The following PATJ variants were observed in gnomAD, a reference collection of about 807,000 sequenced individuals.
PATJ encodes PATJ crumbs cell polarity complex component.
A neutral mutation model predicts 224.9 loss-of-function variants in PATJ; 190 were observed. That is an observed-to-expected ratio of 0.84 (90% CI 0.75 to 0.95). The LOEUF (loss-of-function observed/expected upper bound fraction) is 0.95. Among genes scored for constraint, PATJ ranks in the 40% least tolerant of loss-of-function variants. The probability of loss-of-function intolerance (pLI) is 0.00; values close to 1 mark genes in which losing one functional copy is unlikely to be tolerated. For synonymous variants in PATJ, 769 were observed against 820.3 expected (o/e 0.94, Z 1.07); for missense variants, 2,121 against 2,270.3 (o/e 0.93, Z 1.34).
intron 29 of PATJ, among the ~76,000 whole-genome samples, chr1:62,021,985 T>C (rs1221945907): frequency 6.6e-6 from 1 of 152,230 alleles, no homozygotes; most frequent in Non-Finnish European, 1.5e-5. Flanking sequence ...TAGTTGAAAT[T>C]ATTCTCTGTG....
chr1:62,113,481 A>T (rs1356545829), intron 34 of PATJ, among the ~76,000 whole-genome samples: 1 of 152,160 alleles, frequency 6.6e-6, no homozygotes, highest in African/African-American at 2.4e-5. Flanking sequence ...TCCAGAATTT[A>T]AAAAATTAGC....
chr1:62,148,518 G>A, intron 42 of PATJ, 128 bp downstream of exon 42: 1 of 677,718 alleles, frequency 1.5e-6, no homozygotes, highest in Non-Finnish European at 2.7e-6. Flanking sequence ...AAATTCTAGG[G>A]AATCCTTATT....
intron 33 of PATJ, among the ~76,000 whole-genome samples, chr1:62,098,174 A>G (rs573143670): frequency 5.3e-5 from 8 of 152,040 alleles, no homozygotes; most frequent in Non-Finnish European, 1.0e-4. Flanking sequence ...CCTGGCTAAC[A>G]TGGTGAAACC....
At chr1:61,961,432 T>C (rs1474733882) in intron 27 of PATJ, among the ~76,000 whole-genome samples, 1 of 152,172 alleles carries the variant, frequency 6.6e-6, no homozygotes, top group Non-Finnish European at 1.5e-5. Context: ...TATAACTACA[T>C]GTGTACTCTC....
In PATJ at chr1:61,927,794, G is replaced by A; in HGVS notation, c.3635G>A (p.Ser1212Asn). Residue 1212 changes from serine (S) to asparagine (N), a missense_variant, in exon 27 of 44, where the codon AGT (serine) becomes AAT (asparagine). Coordinates refer to ENST00000642238, the MANE Select transcript of PATJ (RefSeq NM_001350145.3). ...PPPYKALTDDSDENEEEDAFT... is the reference protein window; with the variant it reads ...PPPYKALTDDNDENEEEDAFT... Reference sequence around the variant, plus strand: ...CCTTATAAAGCTCTGACTGATGACAGTGATGAAAATGAAGAAGAAGATGCC... The same window carrying A: ...CCTTATAAAGCTCTGACTGATGACAATGATGAAAATGAAGAAGAAGATGCC... 1 of 1,613,556 alleles carries A rather than the reference G, an allele frequency of 6.2e-7. No individual in the cohort carries two copies. The highest frequency in any genetic ancestry group is 1.1e-5 in the South Asian group (1 of 90,978).
chr1:61,994,390 C>G (rs2149568327), intron 28 of PATJ, among the ~76,000 whole-genome samples: 1 of 152,256 alleles, frequency 6.6e-6, no homozygotes, highest in African/African-American at 2.4e-5. Flanking sequence ...TGATTTTATT[C>G]ATAATTTTTT....
rs370488022 is a variant in PATJ, at chr1:61,814,547, T to TGTGTGTGTGTGTGCGC, written c.1683+6018_1683+6019insTGTGTGTGTGTGCGCG. Among the ~76,000 whole-genome samples the TGTGTGTGTGTGTGCGC allele has an allele frequency of 2.0e-3, 289 of 142,542 alleles. 4 individuals are homozygous for TGTGTGTGTGTGTGCGC. Among genetic ancestry groups the TGTGTGTGTGTGTGCGC allele is most frequent in the African/African-American group, 7.6e-3 (283 of 37,170 alleles). The allele number at this position is 142,542 out of a possible 152,430, so 93.5% of individuals were successfully genotyped here. On this transcript the variant is annotated intron_variant, in intron 14 of 43. Transcript: ENST00000642238. ...GTGTGTGTGTGTGTGTGTGTGTGTG[T>TGTGTGTGTGTGTGCGC]GCGCGCGCGCGCGCATGTATGTGGG...
At chr1:61,993,859 C>G (rs1645204934) in intron 28 of PATJ, among the ~76,000 whole-genome samples, 1 of 152,154 alleles carries the variant, frequency 6.6e-6, no homozygotes, top group African/African-American at 2.4e-5. Flanking sequence ...AAGCTAGAGT[C>G]TAGAAGAACT....
Position 62,102,127 on chromosome 1 carries a change from T to G in PATJ, c.4378-6310T>G, listed in dbSNP as rs555098067. ...CCAGGAGGTCAAACCTGCAGTAAGC[T>G]AAGATTGCACCACTGCACTCCAGCC... is the stretch of plus-strand genomic sequence containing the variant. On this transcript the variant is annotated intron_variant, in intron 33 of 43. Transcript: ENST00000642238. Among the ~76,000 whole-genome samples the G allele has an allele frequency of 5.9e-5, 9 of 151,858 alleles. No individual in the cohort carries two copies. The East Asian group carries it at 7.8e-4, about 13-fold the overall frequency.
At chr1:61,757,639 G>T (rs1645725700) in intron 1 of PATJ, among the ~76,000 whole-genome samples, 1 of 152,080 alleles carries the variant, frequency 6.6e-6, no homozygotes, top group African/African-American at 2.4e-5. Context: ...ACCTGCCTTG[G>T]TCTCCTAAAG....
chr1:62,080,497 A>G lies in PATJ; in HGVS notation c.4243+930A>G, dbSNP rs1570493134. ...CAGGTGCTCACCACCATGCCCGGCT[A>G]ATTTTTACATTTTTAGTAGAGATGG... On this transcript the variant is annotated intron_variant, in intron 32 of 43. Coordinates refer to ENST00000642238, the MANE Select transcript of PATJ (RefSeq NM_001350145.3). Among the ~76,000 whole-genome samples the G allele has an allele frequency of 2.0e-5, 3 of 151,572 alleles. No homozygotes were observed. In the East Asian group the frequency reaches 5.8e-4, roughly 30 times the overall value.
At chr1:61,907,559 C>T in intron 24 of PATJ, among the ~76,000 whole-genome samples, 1 of 152,200 alleles carries the variant, frequency 6.6e-6, no homozygotes, top group East Asian at 1.9e-4. Context: ...ATCATTATTG[C>T]TGTAATATTT....
intron 37 of PATJ, among the ~76,000 whole-genome samples, chr1:62,120,024 AC>A (rs1429998973): frequency 6.6e-6 from 1 of 152,198 alleles, no homozygotes; most frequent in Non-Finnish European, 1.5e-5. Flanking sequence ...AATATACTGT[AC>A]TTCCTCAGTT....
intron 22 of PATJ, among the ~76,000 whole-genome samples, chr1:61,891,707 G>A (rs1376940308): frequency 6.6e-6 from 1 of 152,190 alleles, no homozygotes; most frequent in African/African-American, 2.4e-5. Flanking sequence ...TGTTCTGGAA[G>A]CAACTTACCC....
At chr1:62,021,699 G>A (rs1256721712) in intron 29 of PATJ, among the ~76,000 whole-genome samples, 1 of 151,948 alleles carries the variant, frequency 6.6e-6, no homozygotes, top group African/African-American at 2.4e-5. Flanking sequence ...CTTTTATAGG[G>A]AGAAAAAACA....
chr1:62,005,256 T>C (rs967571537), intron 28 of PATJ, among the ~76,000 whole-genome samples: 2 of 151,890 alleles, frequency 1.3e-5, no homozygotes, highest in Non-Finnish European at 2.9e-5. Context: ...GTGCCTCAGC[T>C]TCCTGAGTGG....
chr1:61,777,703 C>CTTTTTTTTTTTTT (rs66470863), intron 7 of PATJ, among the ~76,000 whole-genome samples: 15 of 48,744 alleles, frequency 3.1e-4, no homozygotes, highest in South Asian at 1.0e-3. Flanking sequence ...TTCTTTCTTT[C>CTTTTTTTTTTTTT]TTTTTTTTTT....
At position 61,838,360 on chromosome 1, in the gene PATJ, C is replaced by CT. The variant is rs1286421381; in HGVS notation, c.2112+4587dup. On this transcript the variant is annotated intron_variant, in intron 17 of 43. Transcript: ENST00000642238. ...GATGGCTTGACTGAGTACTCTGTTT[C>CT]TTTTTTTTTTTTGAGATGGAGTCTT... is the stretch of plus-strand genomic sequence containing the variant. Among the ~76,000 whole-genome samples the CT allele has an allele frequency of 5.0e-3, 710 of 142,986 alleles. 3 individuals carry two copies. Among genetic ancestry groups the CT allele is most frequent in the African/African-American group, 0.015 (575 of 39,260 alleles). 93.8% of individuals were successfully genotyped at this position (142,986 alleles called of 152,430 possible).
chr1:61,825,491 A>G (rs917700029), intron 15 of PATJ, among the ~76,000 whole-genome samples: 3 of 150,856 alleles, frequency 2.0e-5, no homozygotes, highest in Non-Finnish European at 3.0e-5. Flanking sequence ...AAACTCCTGA[A>G]CTCAAAGTGT....
Sources: allele counts gnomAD v4.1 joint callset (sites outside exome capture counted in the v4.1 genomes callset), GRCh38; gene constraint gnomAD v4.1.1; transcripts MANE v1.5; gene names NCBI Gene and HGNC (gene_info 2026-07-23, HGNC 2026-07-21).